The following RCN3 variants were observed in gnomAD, a reference collection of about 807,000 sequenced individuals.
RCN3 encodes the protein reticulocalbin-3.
In RCN3, 41 loss-of-function variants were observed where a neutral mutation model predicts 35.9. The observed-to-expected ratio is 1.14, with a 90% CI of 0.89 to 1.48. The LOEUF is 1.48. RCN3 is among the 40% of genes most tolerant of loss of function. RCN3 has a pLI of 0.00. For synonymous variants in RCN3, 187 were observed against 193.4 expected (o/e 0.97, Z 0.27); for missense variants, 451 against 471.3 (o/e 0.96, Z 0.40).
At chr19:49,535,022 GC>G (rs1187012319) in intron 3 of RCN3, among the ~76,000 whole-genome samples, 1 of 151,860 alleles carries the variant, frequency 6.6e-6, no homozygotes, top group African/African-American at 2.4e-5. Context: ...CCTGGCCCCA[GC>G]CTCCCCGTCC....
chr19:49,532,022 A>C (rs1405658732), intron 2 of RCN3, among the ~76,000 whole-genome samples: 2 of 144,852 alleles, frequency 1.4e-5, no homozygotes, highest in African/African-American at 5.1e-5. Flanking sequence ...AGGATGGTCT[A>C]GATCTGCTGA....
At chr19:49,539,272 C>T in intron 5 of RCN3, 93 bp downstream of exon 5, 1 of 998,420 alleles carries the variant, frequency 1.0e-6, no homozygotes, top group African/African-American at 1.7e-5. Flanking sequence ...CACCCATCAT[C>T]AGAGAACAGT....
intron 4 of RCN3, among the ~76,000 whole-genome samples, chr19:49,538,206 A>G (rs898683524): frequency 2.2e-5 from 3 of 136,754 alleles, no homozygotes; most frequent in African/African-American, 8.4e-5. Context: ...TCTGTCGCCC[A>G]TGCTGGAGTG....
intron 2 of RCN3, among the ~76,000 whole-genome samples, chr19:49,529,437 G>A (rs996822215): frequency 3.9e-5 from 6 of 152,266 alleles, no homozygotes; most frequent in Middle Eastern, 3.4e-3. Context: ...CACCCTCTCC[G>A]TCCAGGCCTG....
Position 49,540,003 on chromosome 19 carries a change from G to A in RCN3, c.679+824G>A, listed in dbSNP as rs371819527. Among the ~76,000 whole-genome samples the A allele has an allele frequency of 2.6e-5, 4 of 151,656 alleles. No homozygotes were observed. The South Asian group carries it at 6.3e-4, about 24-fold the overall frequency. On this transcript the variant is annotated intron_variant, in intron 5 of 6. Coordinates refer to ENST00000270645, the MANE Select transcript of RCN3 (RefSeq NM_020650.3). ...CTCCCAAAGTGGTGGGATTACAGGC[G>A]TGAGCAACCACGCCCGGCCAGGAAT...
At position 49,539,267 on chromosome 19, in the gene RCN3, A is replaced by G. The variant is rs375768012; in HGVS notation, c.679+88A>G. On this transcript the variant is annotated intron_variant, in intron 5 of 6. Coordinates refer to ENST00000270645, the MANE Select transcript of RCN3 (RefSeq NM_020650.3). The stretch of plus-strand genomic sequence containing the variant: ...GGGGGTAGCCGGAGGTACATCACCC[A>G]TCATCAGAGAACAGTGGCCCTCAGA... 3.6e-5 allele frequency: 38 copies of G among 1,046,934 alleles called. No homozygotes were observed. In the South Asian group the frequency reaches 5.3e-4, roughly 15 times the overall value. 64.9% of individuals were successfully genotyped at this position (1,046,934 alleles called of 1,614,324 possible). A position where few individuals can be genotyped will look rare whatever the true frequency, so the allele number is the denominator to read the frequency against.
At position 49,539,113 on chromosome 19, in the gene RCN3, CTCCAGGAAA is replaced by C; in HGVS notation, c.619-5_622del. 6.3e-7 allele frequency: 1 copy of C among 1,596,238 alleles called. No homozygotes were observed. The highest frequency in any genetic ancestry group is 8.5e-7 in the Non-Finnish European group (1 of 1,173,126). On this transcript the variant is annotated splice_acceptor_variant and splice_polypyrimidine_tract_variant and coding_sequence_variant and intron_variant, in exon 5 of 7. Coordinates refer to ENST00000270645, the MANE Select transcript of RCN3 (RefSeq NM_020650.3). LOFTEE classifies it high-confidence loss of function. ...CCCCCAGCCTCAATGCCCCTTTCTC[CTCCAGGAAA>C]CCCTGGAGGACCTGGACAGAAACAA...
Position 49,542,684 on chromosome 19 carries a change from C to A in RCN3, c.811C>A (p.Leu271Met), listed in dbSNP as rs34218348. 2 of 1,596,756 alleles carry A rather than the reference C, an allele frequency of 1.3e-6. No homozygotes were observed. The highest frequency in any genetic ancestry group is 4.5e-5 in the East Asian group (2 of 44,262). ...TGGGAGTGAGGTGGGCCACTGGGTG[C>A]TGCCCCCTGCCCAGGACCAGCCCCT... ...LDGSEVGHWVLPPAQDQPLVE... is the reference protein window; with the variant it reads ...LDGSEVGHWVMPPAQDQPLVE... Residue 271 changes from leucine to methionine, a missense_variant, in exon 6 of 7, where the codon CTG becomes ATG. Coordinates refer to ENST00000270645, the MANE Select transcript of RCN3 (RefSeq NM_020650.3).
chr19:49,533,025 CT>C (rs2080116597), intron 2 of RCN3, among the ~76,000 whole-genome samples: 1 of 152,192 alleles, frequency 6.6e-6, no homozygotes, highest in African/African-American at 2.4e-5. Context: ...CACAACCGCC[CT>C]TTTGGGGTAG....
intron 2 of RCN3, among the ~76,000 whole-genome samples, chr19:49,532,667 C>G (rs1391833830): frequency 6.7e-6 from 1 of 149,972 alleles, no homozygotes; most frequent in Non-Finnish European, 1.5e-5. Flanking sequence ...AGCCACCGTG[C>G]CCGGCCTATT....
At chr19:49,532,483 C>T (rs2080113597) in intron 2 of RCN3, among the ~76,000 whole-genome samples, 1 of 151,406 alleles carries the variant, frequency 6.6e-6, no homozygotes, top group South Asian at 2.1e-4. Flanking sequence ...TCAAGCAATT[C>T]TCCTGCCTCA....
chr19:49,537,130 G>C lies in RCN3; in HGVS notation c.543G>C (p.Ser181=). ...RFRVADQDGD[S]MATREELTAF... is the part of the protein sequence containing the mutation. ...GGGTGGCCGACCAGGATGGGGACTC[G>C]ATGGCCACTCGAGAGGAGCTGACAG... Residue 181 remains serine, a synonymous_variant, in exon 4 of 7, where the codon TCG becomes TCC. Transcript: ENST00000270645. 1 of 1,597,102 alleles carries C rather than the reference G, an allele frequency of 6.3e-7. No individual in the cohort carries two copies. The highest frequency in any genetic ancestry group is 8.5e-7 in the Non-Finnish European group (1 of 1,170,824).
chr19:49,542,405 C>T (rs890662409), intron 5 of RCN3, 148 bp from the exon 6 acceptor site: 5 of 581,522 alleles, frequency 8.6e-6, no homozygotes, highest in African/African-American at 1.9e-5. Context: ...CTAATTCCAT[C>T]GAAACAGAAG....
chr19:49,535,954 A>G, intron 3 of RCN3, among the ~76,000 whole-genome samples: 1 of 119,916 alleles, frequency 8.3e-6, no homozygotes, highest in Non-Finnish European at 1.7e-5. Flanking sequence ...ATATACTTAA[A>G]TATATATACA....
At chr19:49,538,790 C>T (rs570578299) in intron 4 of RCN3, among the ~76,000 whole-genome samples, 1 of 152,302 alleles carries the variant, frequency 6.6e-6, no homozygotes, top group East Asian at 1.9e-4. Flanking sequence ...AAAGGAGCTT[C>T]TCCCCTTGGA....
intron 2 of RCN3, among the ~76,000 whole-genome samples, chr19:49,531,771 C>T (rs1307021535): frequency 6.6e-6 from 1 of 152,096 alleles, no homozygotes; most frequent in African/African-American, 2.4e-5. Flanking sequence ...ATGGCAATGC[C>T]AGGCATTGTC....
At position 49,542,436 on chromosome 19, in the gene RCN3, A is replaced by G; in HGVS notation, c.680-117A>G. 6.2e-6 allele frequency: 4 copies of G among 642,278 alleles called. 1 individual carries two copies. The highest frequency in any genetic ancestry group is 6.2e-5 in the South Asian group (3 of 48,240). The allele number at this position is 642,278 out of a possible 1,614,324, so 39.8% of individuals were successfully genotyped here. A position where few individuals can be genotyped will look rare whatever the true frequency, so the allele number is the denominator to read the frequency against. On this transcript the variant is annotated intron_variant, in intron 5 of 6. Coordinates refer to ENST00000270645, the MANE Select transcript of RCN3 (RefSeq NM_020650.3). ...AGAAGAGGACGCTGAGGCGAGAGAG[A>G]GGGTAGTGAGTTGCTCAAGGGCCTG...
chr19:49,531,690 G>A (rs1181305229), intron 2 of RCN3, among the ~76,000 whole-genome samples: 2 of 152,154 alleles, frequency 1.3e-5, no homozygotes, highest in Admixed American at 1.3e-4. Flanking sequence ...GATTGTGCTT[G>A]GATGGGCATG....
At chr19:49,541,082 T>C (rs113784288) in intron 5 of RCN3, among the ~76,000 whole-genome samples, 15,388 of 151,910 alleles carry the variant, frequency 0.1, 999 homozygotes, top group African/African-American at 0.18. Flanking sequence ...GGGCGTGCAC[T>C]ACCACGCCTG....
Sources: allele counts gnomAD v4.1 joint callset (sites outside exome capture counted in the v4.1 genomes callset), GRCh38; gene constraint gnomAD v4.1.1; transcripts MANE v1.5; gene names NCBI Gene and HGNC (gene_info 2026-07-23, HGNC 2026-07-21).